The following PTPRK variants were observed in gnomAD, a reference collection of about 807,000 sequenced individuals.
The protein encoded by PTPRK is protein tyrosine phosphatase receptor type K, also known as receptor-type tyrosine-protein phosphatase kappa.
PTPRK carries 75 observed loss-of-function variants against 178.0 expected under a neutral mutation model. The observed-to-expected ratio is 0.42, with a 90% confidence interval of 0.35 to 0.51. The LOEUF (loss-of-function observed/expected upper bound fraction) is 0.51. Ranked by LOEUF, PTPRK falls within the 20% of genes least tolerant of loss-of-function variation. PTPRK has a pLI of 0.02. For missense variants in PTPRK, 1,441 were observed against 1,797.8 expected (o/e 0.80, Z 3.59); for synonymous variants, 637 against 620.6 (o/e 1.03, Z -0.39).
chr6:128,453,034 G>A (rs375519873), intron 1 of PTPRK, among the ~76,000 whole-genome samples: 6 of 152,110 alleles, frequency 3.9e-5, no homozygotes, highest in African/African-American at 7.2e-5. Flanking sequence ...CAGATTTAGC[G>A]ATTAAATGCT....
At chr6:128,470,699 T>C (rs1467112676) in intron 1 of PTPRK, among the ~76,000 whole-genome samples, 1 of 151,006 alleles carries the variant, frequency 6.6e-6, no homozygotes, top group African/African-American at 2.4e-5. Context: ...AACATACAGA[T>C]TTTACAGGTT....
At chr6:128,293,688 C>G (rs1269279953) in intron 3 of PTPRK, among the ~76,000 whole-genome samples, 1 of 152,060 alleles carries the variant, frequency 6.6e-6, no homozygotes, top group Non-Finnish European at 1.5e-5. Flanking sequence ...AGACCTATTC[C>G]AAACCAATAT....
At chr6:127,988,069 T>C (rs1212093468) in intron 21 of PTPRK, among the ~76,000 whole-genome samples, 1 of 152,108 alleles carries the variant, frequency 6.6e-6, no homozygotes, top group Non-Finnish European at 1.5e-5. Flanking sequence ...GAAAAAATAA[T>C]AGGTCATGTA....
chr6:128,208,366 G>T (rs771177514), intron 6 of PTPRK, among the ~76,000 whole-genome samples: 1 of 151,356 alleles, frequency 6.6e-6, no homozygotes, highest in Non-Finnish European at 1.5e-5. Flanking sequence ...AGGTCCAGGA[G>T]CATTATTATC....
chr6:128,155,915 T>C (rs568802123), intron 7 of PTPRK, among the ~76,000 whole-genome samples: 1 of 151,954 alleles, frequency 6.6e-6, no homozygotes, highest in East Asian at 1.9e-4. Context: ...AGATCAGTAA[T>C]AAAAATATTG....
At chr6:128,286,961 A>T (rs1350894326) in intron 3 of PTPRK, among the ~76,000 whole-genome samples, 1 of 151,918 alleles carries the variant, frequency 6.6e-6, no homozygotes, top group Non-Finnish European at 1.5e-5. Flanking sequence ...AATTTTGAGA[A>T]TTTTTTTGTC....
chr6:128,473,266 G>C (rs529075388), intron 1 of PTPRK, among the ~76,000 whole-genome samples: 1 of 152,048 alleles, frequency 6.6e-6, no homozygotes, highest in East Asian at 1.9e-4. Flanking sequence ...ATGAGATTCA[G>C]GTAATGCATT....
chr6:127,993,033 G>A (rs1005195971), intron 18 of PTPRK, among the ~76,000 whole-genome samples: 2 of 151,488 alleles, frequency 1.3e-5, no homozygotes, highest in Non-Finnish European at 3.0e-5. Flanking sequence ...TTCATTCCTG[G>A]TAAAATAGTG....
chr6:128,298,148 CT>C (rs1208553472), intron 3 of PTPRK, among the ~76,000 whole-genome samples: 3 of 152,108 alleles, frequency 2.0e-5, no homozygotes, highest in Non-Finnish European at 4.4e-5. Flanking sequence ...GTATAAATTC[CT>C]TGACACACAC....
intron 1 of PTPRK, among the ~76,000 whole-genome samples, chr6:128,489,587 A>C (rs898812931): frequency 6.6e-6 from 1 of 152,232 alleles, no homozygotes; most frequent in Non-Finnish European, 1.5e-5. Flanking sequence ...AAAATCAATA[A>C]AATCTAATTT....
chr6:128,450,330 A>G (rs1383781650), intron 1 of PTPRK, among the ~76,000 whole-genome samples: 1 of 152,198 alleles, frequency 6.6e-6, no homozygotes, highest in African/African-American at 2.4e-5. Context: ...ATTAAAAACA[A>G]ATTATCTTCT....
intron 1 of PTPRK, among the ~76,000 whole-genome samples, chr6:128,442,762 T>C (rs1846444074): frequency 6.6e-6 from 1 of 152,174 alleles, no homozygotes; most frequent in Admixed American, 6.6e-5. Context: ...GCAGAACAAC[T>C]GAGGATAGAG....
chr6:128,133,473 T>G (rs1451283861), intron 7 of PTPRK, among the ~76,000 whole-genome samples: 6 of 152,202 alleles, frequency 3.9e-5, no homozygotes, highest in Admixed American at 2.6e-4. Context: ...AATATCCATA[T>G]GAAGTGGTTA....
At chr6:128,044,847 A>T (rs1777791533) in intron 13 of PTPRK, among the ~76,000 whole-genome samples, 1 of 152,062 alleles carries the variant, frequency 6.6e-6, no homozygotes, top group Admixed American at 6.6e-5. Context: ...GTGTATATAT[A>T]TATAGTATAC....
At chr6:128,078,787 G>T in intron 11 of PTPRK, 26 bp downstream of exon 11, 1 of 1,527,792 alleles carries the variant, frequency 6.5e-7, no homozygotes, top group South Asian at 1.1e-5. Flanking sequence ...GGATAAGGCA[G>T]AACTACTGTA....
intron 7 of PTPRK, among the ~76,000 whole-genome samples, chr6:128,176,160 T>C (rs960195968): frequency 1.3e-5 from 2 of 151,876 alleles, no homozygotes; most frequent in African/African-American, 4.8e-5. Context: ...TACATATATA[T>C]ATGCATATGT....
intron 15 of PTPRK, chr6:128,000,013 A>G (rs1777616119): frequency 1.1e-6 from 1 of 943,858 alleles, no homozygotes; most frequent in Non-Finnish European, 1.3e-6. Flanking sequence ...CAGTACTTTA[A>G]TGACCGAAGT....
intron 7 of PTPRK, among the ~76,000 whole-genome samples, chr6:128,091,199 T>A (rs1786881265): frequency 6.6e-6 from 1 of 152,224 alleles, no homozygotes; most frequent in East Asian, 1.9e-4. Flanking sequence ...AATGCTTAGG[T>A]TTTAAATGTT....
chr6:128,341,726 C>T (rs184678079), intron 2 of PTPRK, among the ~76,000 whole-genome samples: 45 of 152,280 alleles, frequency 3.0e-4, no homozygotes, highest in African/African-American at 1.1e-3. Flanking sequence ...TGTATGATTC[C>T]TTTTCAAGTT....
Sources: allele counts gnomAD v4.1 joint callset (sites outside exome capture counted in the v4.1 genomes callset), GRCh38; gene constraint gnomAD v4.1.1; transcripts MANE v1.5; gene names NCBI Gene and HGNC (gene_info 2026-07-23, HGNC 2026-07-21).